The following DPP10 variants were observed in gnomAD, a reference collection of about 807,000 sequenced individuals.
The protein encoded by DPP10 is inactive dipeptidyl peptidase 10.
A neutral mutation model predicts 120.9 loss-of-function variants in DPP10; 33 were observed. The observed-to-expected ratio is 0.27, with a 90% CI of 0.21 to 0.37. The LOEUF is 0.37. DPP10 is among the 10% of genes least tolerant of loss of function. The pLI is 1.00. For missense variants in DPP10, 816 were observed against 942.8 expected, an observed-to-expected ratio of 0.87 and a Z score of 1.76; for synonymous variants, 337 against 326.1, an observed-to-expected ratio of 1.03 and a Z score of -0.36.
At chr2:114,814,837 T>C (rs899005299) in intron 1 of DPP10, among the ~76,000 whole-genome samples, 2 of 152,342 alleles carry the variant, frequency 1.3e-5, no homozygotes, top group Admixed American at 6.5e-5. Flanking sequence ...AGTCCTTCCC[T>C]CTTTCCTTCA....
chr2:115,536,018 G>A (rs2078809718), intron 5 of DPP10, among the ~76,000 whole-genome samples: 1 of 151,942 alleles, frequency 6.6e-6, no homozygotes, highest in African/African-American at 2.4e-5. Flanking sequence ...TTTGGGCTGA[G>A]ACAATGGGGT....
chr2:114,788,494 C>A (rs1165399433), intron 1 of DPP10, among the ~76,000 whole-genome samples: 1 of 151,138 alleles, frequency 6.6e-6, no homozygotes. Flanking sequence ...CAGCTCACTG[C>A]AACTTCTGCC....
At chr2:115,359,908 A>G (rs1200375739) in intron 3 of DPP10, among the ~76,000 whole-genome samples, 1 of 152,016 alleles carries the variant, frequency 6.6e-6, no homozygotes, top group Non-Finnish European at 1.5e-5. Context: ...TCTATTTTTA[A>G]TGCTTCTAAT....
At chr2:115,468,276 G>A in intron 3 of DPP10, 1 of 511,176 alleles carries the variant, frequency 2.0e-6, no homozygotes, top group South Asian at 1.4e-5. Flanking sequence ...TGATGTCAGT[G>A]TCATGTCCTC....
intron 1 of DPP10, among the ~76,000 whole-genome samples, chr2:115,043,464 C>T (rs887098914): frequency 6.6e-6 from 1 of 152,146 alleles, no homozygotes; most frequent in Non-Finnish European, 1.5e-5. Flanking sequence ...TGTGTAGTTA[C>T]GCATTTAAAA....
chr2:114,778,076 AGAGT>A (rs963575361), intron 1 of DPP10, among the ~76,000 whole-genome samples: 5 of 152,140 alleles, frequency 3.3e-5, no homozygotes, highest in African/African-American at 1.2e-4. Context: ...TGTCCAAGAA[AGAGT>A]GAGACAATTA....
Position 115,414,538 on chromosome 2 carries a change from C to T in DPP10, c.271+70626C>T, listed in dbSNP as rs1318550316. On this transcript the variant is annotated intron_variant, in intron 3 of 25. Transcript: ENST00000410059. ...GTTTTCAGACAAGCTTTTATTTCTA[C>T]AGTGTATATTTTTATGAAACTGATA... Among the ~76,000 whole-genome samples, 7 of 152,196 alleles carry T rather than the reference C, an allele frequency of 4.6e-5. No homozygotes were observed. In the East Asian group the frequency reaches 1.4e-3, roughly 29 times the overall value.
intron 5 of DPP10, among the ~76,000 whole-genome samples, chr2:115,562,101 T>G (rs530545380): frequency 6.6e-6 from 1 of 152,328 alleles, no homozygotes; most frequent in East Asian, 1.9e-4. Flanking sequence ...TGTTCCTCAT[T>G]GCTACTTCAA....
chr2:115,058,468 C>T (rs139152127), intron 1 of DPP10, among the ~76,000 whole-genome samples: 7 of 152,252 alleles, frequency 4.6e-5, no homozygotes, highest in East Asian at 3.9e-4. Context: ...GGCGCGATCT[C>T]GGTTCACTGC....
intron 1 of DPP10, among the ~76,000 whole-genome samples, chr2:114,607,365 T>C (rs975719134): frequency 1.1e-4 from 17 of 152,102 alleles, no homozygotes; most frequent in African/African-American, 3.6e-4. Context: ...GATTTATGGG[T>C]GTTTATGTGC....
intron 1 of DPP10, among the ~76,000 whole-genome samples, chr2:114,768,584 CAGGAT>C (rs1356510185): frequency 1.3e-5 from 2 of 152,112 alleles, no homozygotes; most frequent in East Asian, 3.9e-4. Flanking sequence ...CTGGATAAGT[CAGGAT>C]ACTTTCCCCA....
chr2:115,255,708 G>C (rs2058954775), intron 1 of DPP10, among the ~76,000 whole-genome samples: 1 of 152,168 alleles, frequency 6.6e-6, no homozygotes. Context: ...AATGCTGCCA[G>C]TCTCTTTGCT....
chr2:115,243,095 C>T (rs960412156), intron 1 of DPP10, among the ~76,000 whole-genome samples: 1 of 152,144 alleles, frequency 6.6e-6, no homozygotes, highest in Non-Finnish European at 1.5e-5. Context: ...TATAATTTGC[C>T]TCCCAATTTA....
At chr2:115,695,794 G>T (rs926775940) in intron 7 of DPP10, among the ~76,000 whole-genome samples, 1 of 152,124 alleles carries the variant, frequency 6.6e-6, no homozygotes, top group Non-Finnish European at 1.5e-5. Context: ...CAATAAGGAA[G>T]TATGGCCCAC....
At chr2:115,433,466 T>G (rs1349244449) in intron 3 of DPP10, among the ~76,000 whole-genome samples, 3 of 152,050 alleles carry the variant, frequency 2.0e-5, no homozygotes, top group African/African-American at 7.2e-5. Flanking sequence ...TGTGTGTGTG[T>G]GCATATACAT....
chr2:115,166,228 C>A (rs1191424241), intron 1 of DPP10, among the ~76,000 whole-genome samples: 1 of 151,908 alleles, frequency 6.6e-6, no homozygotes, highest in Admixed American at 6.6e-5. Context: ...ATATACACAT[C>A]ATAATTTGAT....
intron 21 of DPP10, among the ~76,000 whole-genome samples, chr2:115,823,272 G>T: frequency 6.6e-6 from 1 of 152,092 alleles, no homozygotes; most frequent in South Asian, 2.1e-4. Context: ...GCTGAATTGG[G>T]ACCACACAAA....
intron 1 of DPP10, among the ~76,000 whole-genome samples, chr2:114,908,816 C>A (rs1201033771): frequency 6.6e-6 from 1 of 151,330 alleles, no homozygotes; most frequent in Admixed American, 6.6e-5. Flanking sequence ...TCTGTATCAA[C>A]TTTGCATTTC....
At chr2:115,632,292 G>A (rs2085938777) in intron 5 of DPP10, among the ~76,000 whole-genome samples, 1 of 151,986 alleles carries the variant, frequency 6.6e-6, no homozygotes, top group Admixed American at 6.6e-5. Flanking sequence ...CCTTTCTTTT[G>A]TGTCTTTGTA....
Sources: gnomAD v4.1 joint callset for allele counts (sites outside exome capture counted in the v4.1 genomes callset) on GRCh38, gnomAD v4.1.1 for gene constraint, MANE v1.5 for transcripts, NCBI Gene and HGNC (gene_info 2026-07-23, HGNC 2026-07-21) for gene names.